The following GABRB1 variants were observed in gnomAD, a reference collection of about 807,000 sequenced individuals.
The protein encoded by GABRB1 is gamma-aminobutyric acid receptor subunit beta-1.
A neutral mutation model predicts 51.6 loss-of-function variants in GABRB1; 17 were observed. The observed-to-expected ratio is 0.33, with a 90% confidence interval of 0.23 to 0.49. The LOEUF (loss-of-function observed/expected upper bound fraction) is 0.49, where lower values mean the gene tolerates loss of function less well. Among genes scored for constraint, GABRB1 ranks in the 20% least tolerant of loss-of-function variants. The pLI is 0.99. For missense variants in GABRB1, 410 were observed against 600.6 expected (o/e 0.68, Z 3.32); for synonymous variants, 247 against 218.9 (o/e 1.13, Z -1.14).
intron 4 of GABRB1, among the ~76,000 whole-genome samples, chr4:47,291,405 G>A (rs912450216): frequency 3.9e-5 from 6 of 152,222 alleles, no homozygotes; most frequent in African/African-American, 1.4e-4. Context: ...CTAGGGCAGT[G>A]CAGAAGGGAA....
chr4:47,030,635 CAT>C (rs1203479758), upstream of GABRB1, among the ~76,000 whole-genome samples: 2 of 152,204 alleles, frequency 1.3e-5, no homozygotes, highest in East Asian at 3.9e-4. Context: ...TTCTGCCTAA[CAT>C]GTGCTCAATG....
chr4:47,346,128 A>C (rs937913835), intron 5 of GABRB1, among the ~76,000 whole-genome samples: 13 of 152,196 alleles, frequency 8.5e-5, no homozygotes, highest in South Asian at 2.1e-4. Flanking sequence ...ATAGCACAGA[A>C]AGCCAAGCTG....
chr4:47,116,931 G>A (rs74992865), intron 3 of GABRB1, among the ~76,000 whole-genome samples: 1 of 152,168 alleles, frequency 6.6e-6, no homozygotes, highest in African/African-American at 2.4e-5. Context: ...AGGGGGAAGT[G>A]CTACACACTT....
At chr4:47,257,276 G>C (rs143982669) in intron 4 of GABRB1, among the ~76,000 whole-genome samples, 175 of 152,180 alleles carry the variant, frequency 1.1e-3, no homozygotes, top group African/African-American at 3.9e-3. Flanking sequence ...TTCAGGTTTA[G>C]TGATAGTAAC....
intron 4 of GABRB1, among the ~76,000 whole-genome samples, chr4:47,172,108 A>C (rs1051435848): frequency 1.3e-5 from 2 of 152,166 alleles, no homozygotes; most frequent in Admixed American, 6.5e-5. Context: ...TTTTGTATCC[A>C]TGTAACATGC....
intron 3 of GABRB1, among the ~76,000 whole-genome samples, chr4:47,049,238 C>T (rs1430150526): frequency 3.3e-5 from 5 of 152,030 alleles, no homozygotes; most frequent in Non-Finnish European, 4.4e-5. Context: ...GATGAAGACC[C>T]GAATAATCCA....
At chr4:47,051,159 A>G (rs1367207825) in intron 3 of GABRB1, among the ~76,000 whole-genome samples, 2 of 152,036 alleles carry the variant, frequency 1.3e-5, no homozygotes, top group African/African-American at 2.4e-5. Context: ...GGAAGGAGGG[A>G]AAAAAAAGAC....
intron 3 of GABRB1, among the ~76,000 whole-genome samples, chr4:47,111,802 C>T (rs1195469899): frequency 6.6e-6 from 1 of 152,002 alleles, no homozygotes; most frequent in Non-Finnish European, 1.5e-5. Flanking sequence ...GAGATCGAGG[C>T]TGAAGTGAGC....
chr4:47,038,572 T>A (rs1164690640), intron 3 of GABRB1, among the ~76,000 whole-genome samples: 1 of 152,174 alleles, frequency 6.6e-6, no homozygotes, highest in Non-Finnish European at 1.5e-5. Flanking sequence ...CCCAAAGGAT[T>A]TACCCAACCG....
At chr4:47,092,392 C>G (rs549760925) in intron 3 of GABRB1, among the ~76,000 whole-genome samples, 2 of 151,200 alleles carry the variant, frequency 1.3e-5, no homozygotes, top group Non-Finnish European at 2.9e-5. Flanking sequence ...AGGCTCGTCT[C>G]GAACCCCTGA....
intron 4 of GABRB1, among the ~76,000 whole-genome samples, chr4:47,310,759 C>T (rs1724639561): frequency 6.6e-6 from 1 of 152,050 alleles, no homozygotes; most frequent in Non-Finnish European, 1.5e-5. Flanking sequence ...ATAAATAATG[C>T]ACGTGTGGTA....
intron 3 of GABRB1, among the ~76,000 whole-genome samples, chr4:47,062,213 G>A (rs979803056): frequency 6.6e-6 from 1 of 151,722 alleles, no homozygotes; most frequent in Non-Finnish European, 1.5e-5. Flanking sequence ...AATCAGACAG[G>A]GTCATTTTCT....
At chr4:47,315,969 T>C (rs1578088674) in intron 4 of GABRB1, among the ~76,000 whole-genome samples, 1 of 151,828 alleles carries the variant, frequency 6.6e-6, no homozygotes, top group Admixed American at 6.6e-5. Flanking sequence ...AAATAGTCTG[T>C]ACACCAAATC....
chr4:47,150,344 G>A (rs138252352), intron 3 of GABRB1, among the ~76,000 whole-genome samples: 6 of 98,006 alleles, frequency 6.1e-5, no homozygotes, highest in South Asian at 7.9e-4. Flanking sequence ...ACACACACAC[G>A]CACATACACA....
intron 4 of GABRB1, among the ~76,000 whole-genome samples, chr4:47,258,400 C>G (rs1722300428): frequency 6.6e-6 from 1 of 152,062 alleles, no homozygotes; most frequent in Admixed American, 6.6e-5. Flanking sequence ...ATGTTCCTAC[C>G]ATTTAACATT....
At chr4:47,004,629 C>T (rs1250516316) in intron 1 of GABRB1, among the ~76,000 whole-genome samples, 2 of 152,194 alleles carry the variant, frequency 1.3e-5, no homozygotes, top group African/African-American at 4.8e-5. Context: ...GCTCAAAACA[C>T]ACCTTGCTTT....
In GABRB1 at chr4:47,021,300, C is replaced by G. The variant is rs185210310; in HGVS notation, c.-19-10614C>G. Among the ~76,000 whole-genome samples, 158 of 152,186 alleles carry G rather than the reference C, an allele frequency of 1.0e-3. 1 individual carries two copies. Among genetic ancestry groups the G allele is most frequent in the African/African-American group, 3.3e-3 (136 of 41,536 alleles). ...TATCTGTTTTGTGCCAGACAGAATT[C>G]CAGATAAGTAAGAGACATTAGTAAG... is the stretch of plus-strand genomic sequence containing the variant. On this transcript the variant is annotated intron_variant, in intron 1 of 3. Transcript: ENST00000513567.
chr4:47,292,292 T>G (rs988970969), intron 4 of GABRB1, among the ~76,000 whole-genome samples: 1 of 152,242 alleles, frequency 6.6e-6, no homozygotes, highest in African/African-American at 2.4e-5. Flanking sequence ...TGTGGAACTG[T>G]AAGTCCAATA....
intron 8 of GABRB1, among the ~76,000 whole-genome samples, chr4:47,422,567 C>T (rs1242772376): frequency 2.0e-5 from 3 of 152,134 alleles, no homozygotes; most frequent in Non-Finnish European, 4.4e-5. Flanking sequence ...CTTCTGGACA[C>T]CCTTCTCCCT....
Sources: allele counts gnomAD v4.1 joint callset (sites outside exome capture counted in the v4.1 genomes callset), GRCh38; gene constraint gnomAD v4.1.1; transcripts MANE v1.5; gene names NCBI Gene and HGNC (gene_info 2026-07-23, HGNC 2026-07-21).